Variants in FAM167A observed in about 807,000 individuals in gnomAD.
FAM167A encodes protein FAM167A.
Under a neutral mutation model 14.9 loss-of-function variants are expected in FAM167A, and 23 were observed. The observed-to-expected ratio is 1.55, with a 90% CI of 1.11 to 2.19. The LOEUF (loss-of-function observed/expected upper bound fraction) is 2.19. Ranked by LOEUF, FAM167A falls within the 30% of genes most tolerant of loss-of-function variation. The probability of loss-of-function intolerance (pLI) is 0.00; values close to 1 mark genes in which losing one functional copy is unlikely to be tolerated. For synonymous variants in FAM167A, 174 were observed against 117.7 expected (o/e 1.48, Z -3.10); for missense variants, 401 against 281.5 (o/e 1.42, Z -3.04).
intron 1 of FAM167A, among the ~76,000 whole-genome samples, chr8:11,453,059 T>G (rs57526558): frequency 0.32 from 48,851 of 152,068 alleles, 8,619 homozygotes; most frequent in Middle Eastern, 0.47. Context: ...GCCTGGGGAC[T>G]TGGACGCTGT....
chr8:11,431,718 C>T (rs992636086), intron 2 of FAM167A, among the ~76,000 whole-genome samples: 6 of 151,620 alleles, frequency 4.0e-5, no homozygotes, highest in Admixed American at 1.3e-4. Flanking sequence ...GCCGCAGGTG[C>T]TGGGGAATGG....
At chr8:11,455,895 G>C (rs1563386647) in intron 1 of FAM167A, among the ~76,000 whole-genome samples, 4 of 139,986 alleles carry the variant, frequency 2.9e-5, no homozygotes, top group South Asian at 4.8e-4. Flanking sequence ...GCCTTGCAGA[G>C]TGTGAGTGTG....
intron 2 of FAM167A, among the ~76,000 whole-genome samples, chr8:11,428,091 C>G (rs1486093410): frequency 6.7e-6 from 1 of 149,434 alleles, no homozygotes; most frequent in Non-Finnish European, 1.5e-5. Context: ...GACAATAGAT[C>G]TTTTTGAAAA....
chr8:11,455,550 T>C (rs1484524347), intron 1 of FAM167A, among the ~76,000 whole-genome samples: 6 of 125,518 alleles, frequency 4.8e-5, no homozygotes, highest in African/African-American at 1.8e-4. Context: ...TGAGTCTGAG[T>C]GTGGGGGGTG....
chr8:11,471,530 G>T (rs562039933), upstream of FAM167A, among the ~76,000 whole-genome samples: 1 of 152,276 alleles, frequency 6.6e-6, no homozygotes, highest in East Asian at 1.9e-4. Context: ...GGCAGACCCG[G>T]GTTGCATCCC....
At chr8:11,465,662 G>A (rs565801530) in intron 1 of FAM167A, among the ~76,000 whole-genome samples, 28 of 152,298 alleles carry the variant, frequency 1.8e-4, no homozygotes, top group African/African-American at 5.8e-4. Context: ...CTTTGTCCAC[G>A]CTCTCCACGC....
In FAM167A at chr8:11,424,272, G is replaced by A. The variant is rs1804971213; in HGVS notation, c.*101C>T. The A allele has an allele frequency of 3.3e-6, 5 of 1,514,718 alleles. No homozygotes were observed. In the African/African-American group the frequency reaches 4.1e-5, roughly 13 times the overall value. 93.8% of individuals were successfully genotyped at this position (1,514,718 alleles called of 1,614,324 possible). On this transcript the variant is annotated 3_prime_UTR_variant, in exon 3 of 3. Coordinates refer to ENST00000284486, the MANE Select transcript of FAM167A (RefSeq NM_053279.3). Reference sequence around the variant, plus strand: ...TGAGTCGCCAGTCCCAGGGACCCCTGCCTCCGGGAGACCCACTGGAGTAAC... The same window carrying A: ...TGAGTCGCCAGTCCCAGGGACCCCTACCTCCGGGAGACCCACTGGAGTAAC...
intron 2 of FAM167A, chr8:11,438,705 C>G (rs555857331): frequency 2.2e-5 from 8 of 370,408 alleles, no homozygotes; most frequent in Admixed American, 3.6e-5. Context: ...GTAACCCCCA[C>G]GAGGCCGTAT....
chr8:11,429,861 TTCTCA>T (rs1356929166), intron 2 of FAM167A, among the ~76,000 whole-genome samples: 4 of 152,220 alleles, frequency 2.6e-5, no homozygotes, highest in African/African-American at 9.6e-5. Context: ...ATAAGGCCTC[TTCTCA>T]TCTCTTCTAA....
At chr8:11,436,397 C>T (rs553480698) in intron 2 of FAM167A, among the ~76,000 whole-genome samples, 7 of 152,340 alleles carry the variant, frequency 4.6e-5, no homozygotes, top group East Asian at 1.9e-4. Flanking sequence ...TGCCAGGCTG[C>T]GAGCATGGCC....
At chr8:11,455,931 G>GT (rs2117128892) in intron 1 of FAM167A, among the ~76,000 whole-genome samples, 1 of 133,490 alleles carries the variant, frequency 7.5e-6, no homozygotes, top group East Asian at 2.5e-4. Context: ...TGCCCTGCTG[G>GT]GTGTGCGTGA....
At chr8:11,463,637 G>A (rs1192153076) in intron 1 of FAM167A, among the ~76,000 whole-genome samples, 1 of 152,186 alleles carries the variant, frequency 6.6e-6, no homozygotes, top group African/African-American at 2.4e-5. Flanking sequence ...CTCTAGGGAT[G>A]CCCAAGGGAC....
Position 11,421,818 on chromosome 8 carries a change from C to CA in FAM167A, c.*2554dup. On this transcript the variant is annotated 3_prime_UTR_variant, in exon 3 of 3. Coordinates refer to ENST00000284486, the MANE Select transcript of FAM167A (RefSeq NM_053279.3). ...GTACAACTGCAAACAGCACTGTACA[C>CA]ATGTGGTGAGCCAGGAGGCTGGGAC... 2.5e-6 allele frequency: 1 copy of CA among 398,766 alleles called. No individual in the cohort carries two copies. Among genetic ancestry groups the CA allele is most frequent in the Non-Finnish European group, 4.4e-6 (1 of 226,086 alleles). 24.7% of individuals were successfully genotyped at this position (398,766 alleles called of 1,614,324 possible). A position where few individuals can be genotyped will look rare whatever the true frequency, so the allele number is the denominator to read the frequency against.
intron 2 of FAM167A, among the ~76,000 whole-genome samples, chr8:11,440,508 C>A (rs769893708): frequency 1.3e-5 from 2 of 152,204 alleles, no homozygotes; most frequent in Admixed American, 6.5e-5. Context: ...GCTGGTCTTG[C>A]AGGAGGCGGG....
intron 1 of FAM167A, among the ~76,000 whole-genome samples, chr8:11,460,970 C>T (rs920340859): frequency 6.6e-5 from 10 of 152,242 alleles, no homozygotes; most frequent in South Asian, 2.1e-4. Flanking sequence ...TTCAAGCTGA[C>T]GCACAGTCCT....
intron 2 of FAM167A, among the ~76,000 whole-genome samples, chr8:11,436,820 A>G (rs1471215324): frequency 6.6e-6 from 1 of 152,282 alleles, no homozygotes; most frequent in South Asian, 2.1e-4. Flanking sequence ...CGGGAGCTTC[A>G]CATCTGATGC....
intron 1 of FAM167A, chr8:11,445,632 C>T: frequency 1.0e-6 from 1 of 984,704 alleles, no homozygotes; most frequent in Non-Finnish European, 1.2e-6. Flanking sequence ...AGAGAGGAGG[C>T]ATAAGCCCCA....
intron 1 of FAM167A, among the ~76,000 whole-genome samples, chr8:11,464,718 A>C (rs1159662476): frequency 6.6e-6 from 1 of 152,184 alleles, no homozygotes; most frequent in Admixed American, 6.5e-5. Flanking sequence ...CAGCTCCCAA[A>C]GGGTTCTGGG....
intron 2 of FAM167A, among the ~76,000 whole-genome samples, chr8:11,425,320 C>T (rs554786045): frequency 6.6e-6 from 1 of 152,246 alleles, no homozygotes; most frequent in African/African-American, 2.4e-5. Flanking sequence ...CACAGAGGCA[C>T]AGCCAGGGAA....
Sources: allele counts gnomAD v4.1 joint callset (sites outside exome capture counted in the v4.1 genomes callset), GRCh38; gene constraint gnomAD v4.1.1; transcripts MANE v1.5; gene names NCBI Gene and HGNC (gene_info 2026-07-23, HGNC 2026-07-21).